Variants in BRINP3 observed in about 807,000 individuals in gnomAD.
BRINP3 encodes the protein BMP/retinoic acid-inducible neural-specific protein 3.
A neutral mutation model predicts 71.0 loss-of-function variants in BRINP3; 19 were observed. The ratio of observed to expected loss-of-function variants is 0.27; its 90% CI spans 0.19 to 0.39. The LOEUF (loss-of-function observed/expected upper bound fraction) is 0.39. Among genes scored for constraint, BRINP3 ranks in the 10% least tolerant of loss-of-function variants. The probability of loss-of-function intolerance (pLI) is 1.00; values close to 1 mark genes in which losing one functional copy is unlikely to be tolerated. For synonymous variants in BRINP3, 380 were observed against 337.7 expected (o/e 1.13, Z -1.37); for missense variants, 959 against 940.8 (o/e 1.02, Z -0.25).
At chr1:190,380,014 A>G (rs1670446366) in intron 2 of BRINP3, among the ~76,000 whole-genome samples, 3 of 119,274 alleles carry the variant, frequency 2.5e-5, no homozygotes, top group Admixed American at 1.9e-4. Context: ...AAAAAAAAAG[A>G]AAAAAGAAAA....
intron 2 of BRINP3, among the ~76,000 whole-genome samples, chr1:190,359,650 G>A (rs1319456847): frequency 3.9e-5 from 6 of 152,044 alleles, no homozygotes; most frequent in Non-Finnish European, 7.4e-5. Context: ...CCTCAAACCT[G>A]TGGGAGCTTG....
At chr1:190,358,217 A>G (rs1416067453) in intron 2 of BRINP3, among the ~76,000 whole-genome samples, 1 of 152,200 alleles carries the variant, frequency 6.6e-6, no homozygotes, top group Non-Finnish European at 1.5e-5. Flanking sequence ...ATCAGAGTGA[A>G]CAGGCAACCT....
chr1:190,193,391 G>A (rs964376159), intron 6 of BRINP3, among the ~76,000 whole-genome samples: 8 of 152,120 alleles, frequency 5.3e-5, no homozygotes, highest in African/African-American at 1.9e-4. Context: ...GAAAGTATAC[G>A]TAATTTTTTT....
chr1:190,416,033 A>C (rs983162443), intron 2 of BRINP3, among the ~76,000 whole-genome samples: 1 of 152,154 alleles, frequency 6.6e-6, no homozygotes. Flanking sequence ...TATGTTCCTA[A>C]GTTAAAATAC....
At chr1:190,280,743 A>T (rs1042416188) in intron 3 of BRINP3, among the ~76,000 whole-genome samples, 3 of 151,930 alleles carry the variant, frequency 2.0e-5, no homozygotes, top group African/African-American at 7.2e-5. Context: ...TTTCCTATTC[A>T]ATTTTATACA....
At chr1:190,327,976 C>A (rs2103071155) in intron 2 of BRINP3, among the ~76,000 whole-genome samples, 1 of 152,166 alleles carries the variant, frequency 6.6e-6, no homozygotes, top group Admixed American at 6.5e-5. Flanking sequence ...AAACAGAAAT[C>A]AATACCAAGA....
intron 2 of BRINP3, among the ~76,000 whole-genome samples, chr1:190,377,594 A>G (rs961050264): frequency 6.7e-6 from 1 of 148,630 alleles, no homozygotes; most frequent in Non-Finnish European, 1.5e-5. Flanking sequence ...ATATATATAC[A>G]TATATAATAT....
chr1:190,296,218 A>T (rs1052548578), intron 2 of BRINP3, among the ~76,000 whole-genome samples: 1 of 137,832 alleles, frequency 7.3e-6, no homozygotes, highest in Non-Finnish European at 1.6e-5. Context: ...GGATGTACCC[A>T]CAAACATTAA....
rs1274155492 is a variant in BRINP3 at position 190,099,121 on chromosome 1, A to T, written c.1198T>A (p.Trp400Arg). 6.2e-7 allele frequency: 1 copy of T among 1,613,380 alleles called. No homozygotes were observed. The highest frequency in any genetic ancestry group is 8.5e-7 in the Non-Finnish European group (1 of 1,179,422). Residue 400 changes from tryptophan (W) to arginine (R), a missense_variant, in exon 8 of 8, where the codon TGG (tryptophan) becomes AGG (arginine). Transcript: ENST00000367462. ...AGAAAAGACTGGATGCGAGTAAGCC[A>T]GTAGGTTGAGGTTCTAGAAATACAA... Reference protein sequence around the residue: ...SLPRQRTSTYWLTRIQSFLYC... With the variant: ...SLPRQRTSTYRLTRIQSFLYC...
At chr1:190,175,728 T>C (rs1652443570) in intron 6 of BRINP3, among the ~76,000 whole-genome samples, 1 of 152,220 alleles carries the variant, frequency 6.6e-6, no homozygotes, top group Admixed American at 6.5e-5. Context: ...ATCTGTCTCC[T>C]ATCTATCTAT....
chr1:190,374,099 G>C (rs945020116), intron 2 of BRINP3, among the ~76,000 whole-genome samples: 2 of 151,800 alleles, frequency 1.3e-5, no homozygotes, highest in Non-Finnish European at 2.9e-5. Context: ...AATTTACCTG[G>C]AAGAATTGTT....
intron 6 of BRINP3, among the ~76,000 whole-genome samples, chr1:190,223,994 C>T (rs1180542115): frequency 2.6e-5 from 4 of 151,342 alleles, no homozygotes; most frequent in African/African-American, 9.7e-5. Flanking sequence ...TACAAGAAAA[C>T]ACACAAATAA....
At chr1:190,364,824 A>G (rs1160235531) in intron 2 of BRINP3, among the ~76,000 whole-genome samples, 1 of 152,146 alleles carries the variant, frequency 6.6e-6, no homozygotes. Context: ...TGGACTACCA[A>G]ACTAGCTAAG....
chr1:190,419,790 T>G (rs949100120), intron 2 of BRINP3, among the ~76,000 whole-genome samples: 1 of 150,824 alleles, frequency 6.6e-6, no homozygotes, highest in Non-Finnish European at 1.5e-5. Context: ...TAGTCACAAA[T>G]ACACAGAATG....
intron 2 of BRINP3, among the ~76,000 whole-genome samples, chr1:190,444,300 TG>T (rs1156465741): frequency 1.4e-5 from 2 of 139,938 alleles, no homozygotes; most frequent in Non-Finnish European, 3.1e-5. Context: ...TGAATTTTAA[TG>T]GGGTGTGTTT....
intron 2 of BRINP3, among the ~76,000 whole-genome samples, chr1:190,365,806 G>GTGTATATATATATATATATA (rs913644308): frequency 3.9e-5 from 5 of 127,876 alleles, no homozygotes; most frequent in East Asian, 2.3e-4. Context: ...GAGAGCAAGT[G>GTGTATATATATATATATATA]TATATATATA....
At chr1:190,455,305 T>A (rs1675910769) in intron 1 of BRINP3, among the ~76,000 whole-genome samples, 1 of 152,166 alleles carries the variant, frequency 6.6e-6, no homozygotes, top group Non-Finnish European at 1.5e-5. Flanking sequence ...TAAATTGTGT[T>A]ACAAATTTTA....
rs139417179 is a variant in BRINP3 at position 190,363,032 on chromosome 1, T to C, written c.237-81282A>G. 5.7e-3 allele frequency among the ~76,000 whole-genome samples: 871 copies of C among 152,256 alleles called. 6 individuals are homozygous for C. Among genetic ancestry groups the C allele is most frequent in the African/African-American group, 0.019 (785 of 41,562 alleles). ...TAATCACTTGACTTTGAGTTAAATA[T>C]AATGATAATATCTGAGTGAACCCAA... On this transcript the variant is annotated intron_variant, in intron 2 of 7. Transcript: ENST00000367462.
At chr1:190,460,962 T>C (rs951875396) in intron 1 of BRINP3, among the ~76,000 whole-genome samples, 2 of 152,158 alleles carry the variant, frequency 1.3e-5, no homozygotes, top group Non-Finnish European at 2.9e-5. Context: ...ACTTTGCCTC[T>C]AAAATGTATT....
Sources: gnomAD v4.1 joint callset for allele counts (sites outside exome capture counted in the v4.1 genomes callset) on GRCh38, gnomAD v4.1.1 for gene constraint, MANE v1.5 for transcripts, NCBI Gene and HGNC (gene_info 2026-07-23, HGNC 2026-07-21) for gene names.